ABTB3: variants seen among roughly 807,000 people sequenced by gnomAD.
ABTB3 encodes the protein ankyrin repeat- and BTB/POZ domain-containing protein 3.
chr12:107,402,380 G>A, the ABTB3 span, among the ~76,000 whole-genome samples: 1 of 152,184 alleles, frequency 6.6e-6, no homozygotes, highest in East Asian at 1.9e-4. Flanking sequence ...CCGCCTAAGA[G>A]GCTGAGTCTT....
chr12:107,586,351 C>G, the ABTB3 span, among the ~76,000 whole-genome samples: 1 of 152,176 alleles, frequency 6.6e-6, no homozygotes, highest in African/African-American at 2.4e-5. Context: ...GGCTGAGCAC[C>G]TGGGCCCAGC....
At chr12:107,511,091 C>A in the ABTB3 span, among the ~76,000 whole-genome samples, 1 of 152,090 alleles carries the variant, frequency 6.6e-6, no homozygotes, top group South Asian at 2.1e-4. Context: ...GCCCAAGAAA[C>A]CCCCAGGAGA....
the ABTB3 span, among the ~76,000 whole-genome samples, chr12:107,374,031 G>A: frequency 3.3e-5 from 5 of 152,158 alleles, no homozygotes; most frequent in Non-Finnish European, 7.4e-5. Context: ...CTCCCAGAGT[G>A]AGCCCACTGA....
At chr12:107,640,664 G>A in the ABTB3 span, among the ~76,000 whole-genome samples, 2 of 152,200 alleles carry the variant, frequency 1.3e-5, no homozygotes, top group East Asian at 1.9e-4. Flanking sequence ...TGGCTCCCTC[G>A]GCTAGGTGGC....
At chr12:107,639,027 G>A in the ABTB3 span, among the ~76,000 whole-genome samples, 1 of 152,326 alleles carries the variant, frequency 6.6e-6, no homozygotes, top group Middle Eastern at 3.4e-3. Context: ...TGGGGAAGGT[G>A]GGGGAATCTG....
chr12:107,589,144 A>T, the ABTB3 span, among the ~76,000 whole-genome samples: 73 of 152,340 alleles, frequency 4.8e-4, 1 homozygote, highest in East Asian at 0.014. Context: ...TGTACAAACC[A>T]TTTAGAACAA....
chr12:107,382,150 A>C, the ABTB3 span, among the ~76,000 whole-genome samples: 1 of 152,212 alleles, frequency 6.6e-6, no homozygotes, highest in East Asian at 1.9e-4. Context: ...GGATGTATAA[A>C]GGTGATGGGA....
the ABTB3 span, among the ~76,000 whole-genome samples, chr12:107,437,763 C>T: frequency 3.3e-4 from 51 of 152,252 alleles, no homozygotes; most frequent in South Asian, 0.01. Flanking sequence ...ATTTGGGCCC[C>T]ACCTGGGTAA....
chr12:107,369,423 A>G, the ABTB3 span, among the ~76,000 whole-genome samples: 1 of 131,754 alleles, frequency 7.6e-6, no homozygotes, highest in Non-Finnish European at 1.5e-5. Flanking sequence ...TTTGAGATGG[A>G]GTCTCGCTCT....
the ABTB3 span, chr12:107,319,900 G>GGCCGCCGCAGTCCCGCCGGCA: frequency 2.2e-6 from 3 of 1,372,192 alleles, no homozygotes; most frequent in Non-Finnish European, 1.9e-6. Flanking sequence ...CGGCCGCCGC[G>GGCCGCCGCAGTCCCGCCGGCA]GCCGCCGCAG....
the ABTB3 span, among the ~76,000 whole-genome samples, chr12:107,532,462 T>A: frequency 6.6e-6 from 1 of 152,126 alleles, no homozygotes; most frequent in African/African-American, 2.4e-5. Flanking sequence ...ATACAAAGGC[T>A]ACACTGCTGC....
chr12:107,618,115 T>A, the ABTB3 span: 1 of 1,589,198 alleles, frequency 6.3e-7, no homozygotes, highest in South Asian at 1.1e-5. Flanking sequence ...GCAGATCCAC[T>A]TCCATCTCTG....
the ABTB3 span, among the ~76,000 whole-genome samples, chr12:107,603,225 A>G: frequency 2.6e-5 from 4 of 152,358 alleles, no homozygotes; most frequent in East Asian, 1.9e-4. Context: ...ACATTTACAG[A>G]TATGCTACAG....
the ABTB3 span, among the ~76,000 whole-genome samples, chr12:107,462,472 A>G: frequency 6.6e-6 from 1 of 152,226 alleles, no homozygotes; most frequent in Non-Finnish European, 1.5e-5. Flanking sequence ...GGGAATGGTG[A>G]TGGTGATGAT....
chr12:107,447,665 G>T, the ABTB3 span, among the ~76,000 whole-genome samples: 2 of 152,124 alleles, frequency 1.3e-5, no homozygotes, highest in Non-Finnish European at 2.9e-5. Context: ...CGCTGTATTA[G>T]TTTTTGCAAT....
chr12:107,652,986 A>G, the ABTB3 span, among the ~76,000 whole-genome samples: 1 of 152,180 alleles, frequency 6.6e-6, no homozygotes, highest in South Asian at 2.1e-4. Flanking sequence ...ATCTAGGCTC[A>G]CTGCAACCTC....
chr12:107,461,310 G>A, the ABTB3 span, among the ~76,000 whole-genome samples: 5 of 152,138 alleles, frequency 3.3e-5, no homozygotes, highest in Non-Finnish European at 7.3e-5. Flanking sequence ...GATTAAGGTG[G>A]ACCCTAAATC....
the ABTB3 span, among the ~76,000 whole-genome samples, chr12:107,438,342 G>A: frequency 2.0e-5 from 3 of 152,130 alleles, no homozygotes; most frequent in Non-Finnish European, 2.9e-5. Context: ...CAAGTCATGC[G>A]TTTTCAGGCC....
At chr12:107,420,682 G>A in the ABTB3 span, among the ~76,000 whole-genome samples, 1 of 152,094 alleles carries the variant, frequency 6.6e-6, no homozygotes, top group Non-Finnish European at 1.5e-5. Flanking sequence ...GCAGCACATT[G>A]TGCTGGAAAC....
Sources: allele counts gnomAD v4.1 joint callset (sites outside exome capture counted in the v4.1 genomes callset), GRCh38; gene constraint gnomAD v4.1.1; transcripts MANE v1.5; gene names NCBI Gene and HGNC (gene_info 2026-07-23, HGNC 2026-07-21).